EIF4B: variants seen among roughly 807,000 people sequenced by gnomAD.
The protein encoded by EIF4B is eukaryotic translation initiation factor 4B.
A neutral mutation model predicts 79.3 loss-of-function variants in EIF4B; 8 were observed. The observed-to-expected ratio is 0.10, with a 90% CI of 0.06 to 0.18. The LOEUF (loss-of-function observed/expected upper bound fraction) is 0.18. Among genes scored for constraint, EIF4B ranks in the 10% least tolerant of loss-of-function variants. The probability of loss-of-function intolerance (pLI) is 1.00; values close to 1 mark genes in which losing one functional copy is unlikely to be tolerated. For synonymous variants in EIF4B, 238 were observed against 274.7 expected (o/e 0.87, Z 1.32); for missense variants, 515 against 792.4 (o/e 0.65, Z 4.20).
chr12:53,037,346 A>T, intron 10 of EIF4B, 63 bp from the exon 11 acceptor site: 1 of 1,545,302 alleles, frequency 6.5e-7, no homozygotes. Flanking sequence ...CACTGTTGAG[A>T]TCCTGGTAGA....
chr12:53,038,833 T>C (rs938793784), intron 12 of EIF4B: 10 of 169,806 alleles, frequency 5.9e-5, no homozygotes, highest in Non-Finnish European at 1.1e-4. Context: ...AAAAGAATTA[T>C]TGGGTTATCT....
chr12:53,029,696 C>T (rs1341795335), intron 8 of EIF4B, among the ~76,000 whole-genome samples: 2 of 152,056 alleles, frequency 1.3e-5, no homozygotes, highest in Non-Finnish European at 2.9e-5. Context: ...TCTTTAACAT[C>T]TTTGTGTTAG....
At chr12:53,010,283 A>C (rs999379296) in intron 1 of EIF4B, among the ~76,000 whole-genome samples, 3 of 152,222 alleles carry the variant, frequency 2.0e-5, no homozygotes, top group African/African-American at 7.2e-5. Context: ...GGTGGAGCTT[A>C]TGAGTTTTGA....
chr12:53,019,153 C>T, intron 3 of EIF4B, 147 bp downstream of exon 3: 6 of 991,818 alleles, frequency 6.0e-6, no homozygotes, highest in South Asian at 3.3e-5. Context: ...AATCCCAGCA[C>T]TCTGGGAGTC....
intron 6 of EIF4B, 86 bp downstream of exon 6, chr12:53,022,713 CA>C: frequency 6.8e-7 from 1 of 1,472,330 alleles, no homozygotes. Context: ...ATGATCAGAT[CA>C]CATTAACAGA....
intron 14 of EIF4B, 150 bp downstream of exon 14, chr12:53,039,852 G>A: frequency 1.2e-6 from 1 of 851,872 alleles, no homozygotes; most frequent in Non-Finnish European, 1.7e-6. Context: ...TTGGAAATAA[G>A]ACATTGGTCT....
rs78639581 is a variant in EIF4B at position 53,015,272 on chromosome 12, C to T, written c.14-1201C>T. Among the ~76,000 whole-genome samples, 17 of 152,238 alleles carry T rather than the reference C, an allele frequency of 1.1e-4. No individual in the cohort carries two copies. The East Asian group carries it at 2.3e-3, about 21-fold the overall frequency. ...GGTATATAGAAAGAGCCTTAGACTT[C>T]GTATGAAAAAAACTTAGGTTTTATC... On this transcript the variant is annotated intron_variant, in intron 1 of 14. Coordinates refer to ENST00000262056, the MANE Select transcript of EIF4B (RefSeq NM_001417.7).
rs1436230216 is a variant in EIF4B, at chr12:53,027,748, A to G, written c.668-34A>G. 1.9e-6 allele frequency: 3 copies of G among 1,596,610 alleles called. No individual in the cohort carries two copies. In the South Asian group the frequency reaches 3.3e-5, roughly 18 times the overall value. Reference sequence around the variant, plus strand: ...GTGTTTCTATTAATGGTGTCAGAGAAAAGGGGATGGTGTTACTTGTCTGTT... The same window carrying G: ...GTGTTTCTATTAATGGTGTCAGAGAGAAGGGGATGGTGTTACTTGTCTGTT... On this transcript the variant is annotated intron_variant, in intron 6 of 14. Transcript: ENST00000262056.
chr12:53,023,617 C>G (rs998182758), intron 6 of EIF4B, among the ~76,000 whole-genome samples: 6 of 119,950 alleles, frequency 5.0e-5, no homozygotes, highest in African/African-American at 1.3e-4. Context: ...GAGTTTCGCT[C>G]TTGTTGCCCA....
intron 10 of EIF4B, among the ~76,000 whole-genome samples, chr12:53,035,927 C>G (rs1397153935): frequency 6.6e-6 from 1 of 150,730 alleles, no homozygotes; most frequent in Non-Finnish European, 1.5e-5. Flanking sequence ...AAGCAATTCT[C>G]CTGCCTCAGC....
intron 6 of EIF4B, among the ~76,000 whole-genome samples, chr12:53,027,328 T>C (rs2120945379): frequency 6.6e-6 from 1 of 151,372 alleles, no homozygotes; most frequent in South Asian, 2.1e-4. Flanking sequence ...GAGACGGGGT[T>C]TCACCATGTT....
chr12:53,036,734 T>G (rs1323091261), intron 10 of EIF4B, among the ~76,000 whole-genome samples: 3 of 151,510 alleles, frequency 2.0e-5, no homozygotes, highest in Non-Finnish European at 4.4e-5. Flanking sequence ...ACGTGTAGGT[T>G]GTTGTTTTTT....
intron 8 of EIF4B, among the ~76,000 whole-genome samples, chr12:53,028,987 G>A (rs912429148): frequency 9.2e-5 from 14 of 152,024 alleles, no homozygotes; most frequent in African/African-American, 3.1e-4. Context: ...TTAGGTGGCC[G>A]TAGTGGCACA....
At chr12:53,013,691 G>A (rs552440385) in intron 1 of EIF4B, 11 of 152,216 alleles carry the variant, frequency 7.2e-5, no homozygotes, top group African/African-American at 2.7e-4. Context: ...GGAGGCTGAG[G>A]CAGGAGAATC....
Position 53,034,640 on chromosome 12 carries a change from C to G in EIF4B, c.1237C>G (p.Gln413Glu), listed in dbSNP as rs759333361. Residue 413 changes from glutamine to glutamate, a missense_variant, in exon 10 of 15, where the codon CAG (glutamine) becomes GAG (glutamate). Physicochemically the swap from Gln to Glu is conservative, Grantham distance 29. Around this residue, in one of 6 missense-constraint regions of EIF4B, gnomAD observed 146 missense variants for 228.0 expected, o/e 0.64. Coordinates refer to ENST00000262056, the MANE Select transcript of EIF4B (RefSeq NM_001417.7). ...RHPSWRSEET[Q>E]ERERSRTGSE... ...CCCAAGCTGGCGAAGTGAAGAAACT[C>G]AGGAACGGGAACGGTCGAGGACAGG... is the stretch of plus-strand genomic sequence containing the variant. The G allele has an allele frequency of 1.2e-6, 2 of 1,613,960 alleles. No homozygotes were observed. The highest frequency in any genetic ancestry group is 2.2e-5 in the South Asian group (2 of 91,064).
intron 6 of EIF4B, among the ~76,000 whole-genome samples, chr12:53,026,122 G>T (rs1208280246): frequency 1.3e-5 from 2 of 151,942 alleles, no homozygotes; most frequent in Non-Finnish European, 2.9e-5. Context: ...GAAAGAAAAA[G>T]ATCCCTGTTT....
intron 1 of EIF4B, 104 bp from the exon 2 acceptor site, chr12:53,016,369 G>A (rs185667148): frequency 1.2e-4 from 176 of 1,440,766 alleles, no homozygotes; most frequent in Non-Finnish European, 1.6e-4. Flanking sequence ...TTTGAGGAGC[G>A]TCCATGTTAT....
rs1379614252 is a variant in EIF4B at position 53,038,561 on chromosome 12, TC to T, written c.1576+153del. On this transcript the variant is annotated intron_variant, in intron 12 of 14. Coordinates refer to ENST00000262056, the MANE Select transcript of EIF4B (RefSeq NM_001417.7). ...CAGGCGCAGGGGCTCACACCTGTAA[TC>T]CCAGCACTTTGGGAGGCCAAGGCGG... 1.0e-4 allele frequency: 55 copies of T among 532,592 alleles called. 1 individual carries two copies. The South Asian group carries it at 2.0e-3, about 20-fold the overall frequency. 33.0% of individuals were successfully genotyped at this position (532,592 alleles called of 1,614,324 possible).
At chr12:53,009,951 T>G (rs1048420831) in intron 1 of EIF4B, among the ~76,000 whole-genome samples, 1 of 152,240 alleles carries the variant, frequency 6.6e-6, no homozygotes, top group African/African-American at 2.4e-5. Flanking sequence ...GAGTACAGTA[T>G]TTTAAGTAAT....
Sources: gnomAD v4.1 joint callset for allele counts (sites outside exome capture counted in the v4.1 genomes callset) on GRCh38, gnomAD v4.1.1 for gene constraint, gnomAD v4.1.1 regional missense constraint, MANE v1.5 for transcripts, NCBI Gene and HGNC (gene_info 2026-07-23, HGNC 2026-07-21) for gene names.